The following MAD1L1 variants were observed in gnomAD, a reference collection of about 807,000 sequenced individuals.
MAD1L1 encodes mitotic spindle assembly checkpoint protein MAD1.
MAD1L1 carries 95 observed loss-of-function variants against 96.9 expected under a neutral mutation model. The observed-to-expected ratio is 0.98, with a 90% confidence interval of 0.83 to 1.16. MAD1L1 has a LOEUF of 1.16. MAD1L1 is among the 50% of genes most tolerant of loss of function. The pLI is 0.00. For missense variants in MAD1L1, 1,007 were observed against 954.4 expected, an observed-to-expected ratio of 1.06 and a Z score of -0.73; for synonymous variants, 473 against 396.6, an observed-to-expected ratio of 1.19 and a Z score of -2.29.
intron 12 of MAD1L1, among the ~76,000 whole-genome samples, chr7:2,019,379 C>T (rs562865554): frequency 6.6e-6 from 1 of 152,320 alleles, no homozygotes; most frequent in Admixed American, 6.5e-5. Flanking sequence ...CAGGCGAAAG[C>T]GGCAGTAATA....
rs78946523 is a variant in MAD1L1 at position 1,874,177 on chromosome 7, G to A, written c.1998+24023C>T. On this transcript the variant is annotated intron_variant, in intron 18 of 18. Coordinates refer to ENST00000265854, the MANE Select transcript of MAD1L1 (RefSeq NM_001013836.2). ...GGCTGCCCAGCAGACAGTGGCTGGC[G>A]CCAGAGGTCAGTGCAGCGAGGCCGT... is the stretch of plus-strand genomic sequence containing the variant. 1.1e-4 allele frequency among the ~76,000 whole-genome samples: 16 copies of A among 152,298 alleles called. No homozygotes were observed. The East Asian group carries it at 2.3e-3, about 22-fold the overall frequency.
rs565289235 is a variant in MAD1L1, at chr7:1,932,291, A to G, written c.1807+4396T>C. 9.5e-4 allele frequency among the ~76,000 whole-genome samples: 144 copies of G among 152,258 alleles called. 1 individual carries two copies. The highest frequency in any genetic ancestry group is 8.4e-4 in the Non-Finnish European group (57 of 68,010). Reference sequence around the variant, plus strand: ...TTCTGGCCCCTGCCGGCTGCTCCCCAGGCCTGAGGCCTCCTTCTCTGCTTC... The same window carrying G: ...TTCTGGCCCCTGCCGGCTGCTCCCCGGGCCTGAGGCCTCCTTCTCTGCTTC... On this transcript the variant is annotated intron_variant, in intron 17 of 18. Transcript: ENST00000265854.
chr7:1,886,427 C>G (rs1168839543), intron 18 of MAD1L1, among the ~76,000 whole-genome samples: 1 of 152,232 alleles, frequency 6.6e-6, no homozygotes, highest in East Asian at 1.9e-4. Flanking sequence ...CTGTGCAAAT[C>G]TCAGCCTGTG....
At chr7:2,116,234 C>T (rs1038015723) in intron 11 of MAD1L1, among the ~76,000 whole-genome samples, 6 of 152,194 alleles carry the variant, frequency 3.9e-5, no homozygotes, top group African/African-American at 9.7e-5. Flanking sequence ...GCCCAGGGAG[C>T]GGAGTGCGTG....
chr7:2,018,805 G>A (rs1782654840), intron 12 of MAD1L1, among the ~76,000 whole-genome samples: 1 of 152,044 alleles, frequency 6.6e-6, no homozygotes, highest in Admixed American at 6.5e-5. Context: ...CCAGTGCTGT[G>A]GAGCCTGCCT....
chr7:2,195,490 G>A (rs995924281), intron 10 of MAD1L1, among the ~76,000 whole-genome samples: 4 of 152,184 alleles, frequency 2.6e-5, no homozygotes, highest in Admixed American at 6.5e-5. Context: ...AAATAGACTC[G>A]TAAATAATTC....
At chr7:2,120,162 C>T (rs775846285) in intron 11 of MAD1L1, among the ~76,000 whole-genome samples, 1 of 152,246 alleles carries the variant, frequency 6.6e-6, no homozygotes, top group Non-Finnish European at 1.5e-5. Context: ...TTGGCCCTCT[C>T]CACCTGCTGG....
At chr7:1,862,053 C>A (rs1302311014) in intron 18 of MAD1L1, among the ~76,000 whole-genome samples, 1 of 152,210 alleles carries the variant, frequency 6.6e-6, no homozygotes, top group Non-Finnish European at 1.5e-5. Context: ...GCCTCCTAGA[C>A]CTGCAGAGCC....
rs550226585 is a variant in MAD1L1 at position 2,173,029 on chromosome 7, T to G, written c.987-23791A>C. Among the ~76,000 whole-genome samples, 431 of 152,338 alleles carry G rather than the reference T, an allele frequency of 2.8e-3. 1 individual carries two copies. The highest frequency in any genetic ancestry group is 4.5e-3 in the Non-Finnish European group (306 of 68,034). On this transcript the variant is annotated intron_variant, in intron 10 of 18. Coordinates refer to ENST00000265854, the MANE Select transcript of MAD1L1 (RefSeq NM_001013836.2). ...CTCCTTTTCTTCCATGTATACGTAT[T>G]CCTCGTGAAGTTACATAAACAAAGT...
At chr7:2,041,257 C>T (rs924124333) in intron 12 of MAD1L1, among the ~76,000 whole-genome samples, 5 of 152,192 alleles carry the variant, frequency 3.3e-5, no homozygotes, top group African/African-American at 1.2e-4. Context: ...TCCTCAGTCC[C>T]TTGGAGACAC....
At chr7:2,133,008 C>T (rs564754590) in intron 11 of MAD1L1, among the ~76,000 whole-genome samples, 2 of 152,158 alleles carry the variant, frequency 1.3e-5, no homozygotes, top group Non-Finnish European at 2.9e-5. Context: ...CCCCTTCCTG[C>T]GTCTGCTTTG....
chr7:1,889,230 G>A (rs931004259), intron 18 of MAD1L1, among the ~76,000 whole-genome samples: 15 of 152,208 alleles, frequency 9.9e-5, no homozygotes, highest in African/African-American at 3.4e-4. Flanking sequence ...GTTCTGGCCC[G>A]GGTCCAGTCC....
rs1161294282 is a variant in MAD1L1 at position 2,114,760 on chromosome 7, T to C, written c.1073+34392A>G. Among the ~76,000 whole-genome samples, 2 of 152,174 alleles carry C rather than the reference T, an allele frequency of 1.3e-5. No individual in the cohort carries two copies. Among genetic ancestry groups the C allele is most frequent in the Non-Finnish European group, 2.9e-5 (2 of 68,038 alleles). On this transcript the variant is annotated intron_variant, in intron 11 of 18. Transcript: ENST00000265854. The surrounding 1 kb of genome is among the most constrained non-coding windows in gnomAD (Gnocchi z 4.2). ...CGCTCTCACAGCACGATGGCAGAGT[T>C]CAGCGTCTTCGACAGAGACCACCTG...
At chr7:2,161,890 G>T (rs1023910430) in intron 10 of MAD1L1, among the ~76,000 whole-genome samples, 1 of 147,538 alleles carries the variant, frequency 6.8e-6, no homozygotes, top group South Asian at 2.1e-4. Flanking sequence ...TCCGGGAGGT[G>T]GGGGGCAGCC....
rs558943888 is a variant in MAD1L1, at chr7:2,124,146, C to G, written c.1073+25006G>C. Among the ~76,000 whole-genome samples, 255 of 152,314 alleles carry G rather than the reference C, an allele frequency of 1.7e-3. 1 individual carries two copies. The highest frequency in any genetic ancestry group is 9.3e-4 in the Non-Finnish European group (63 of 68,022). On this transcript the variant is annotated intron_variant, in intron 11 of 18. Coordinates refer to ENST00000265854, the MANE Select transcript of MAD1L1 (RefSeq NM_001013836.2). ...CCCCAGCTCTCCACAGGTCAGAGGC[C>G]ACGCCACGCCCCTGCTCAACTCGCA...
intron 11 of MAD1L1, among the ~76,000 whole-genome samples, chr7:2,118,651 C>G (rs1365543067): frequency 6.6e-6 from 1 of 152,186 alleles, no homozygotes; most frequent in African/African-American, 2.4e-5. Flanking sequence ...AGGAACAGGG[C>G]CGTCCCTCCC....
intron 14 of MAD1L1, among the ~76,000 whole-genome samples, chr7:1,989,333 G>T (rs34809719): frequency 0.17 from 25,616 of 152,302 alleles, 2,704 homozygotes; most frequent in South Asian, 0.31. Flanking sequence ...TCTTAGTTAC[G>T]ATTAGTCTGG....
At chr7:2,026,596 A>C (rs948664621) in intron 12 of MAD1L1, among the ~76,000 whole-genome samples, 8 of 152,212 alleles carry the variant, frequency 5.3e-5, no homozygotes, top group Admixed American at 5.2e-4. Flanking sequence ...TTCAGAGGAT[A>C]GTCTCTGAGC....
At chr7:2,002,008 T>C in intron 14 of MAD1L1, 57 bp downstream of exon 14, 1 of 1,588,590 alleles carries the variant, frequency 6.3e-7, no homozygotes, top group Non-Finnish European at 8.6e-7. Flanking sequence ...CAGGCGTCCC[T>C]GCCCAGACCC....
Sources: allele counts gnomAD v4.1 joint callset (sites outside exome capture counted in the v4.1 genomes callset), GRCh38; gene constraint gnomAD v4.1.1; non-coding constraint Gnocchi (gnomAD v3.1); transcripts MANE v1.5; gene names NCBI Gene and HGNC (gene_info 2026-07-23, HGNC 2026-07-21).